Variants in EBF1 observed in about 807,000 individuals in gnomAD.
EBF1 encodes EBF transcription factor 1.
In EBF1, 10 loss-of-function variants were observed where a neutral mutation model predicts 68.4. The ratio of observed to expected loss-of-function variants is 0.15; its 90% CI spans 0.09 to 0.25. The LOEUF (loss-of-function observed/expected upper bound fraction) is 0.25. Ranked by LOEUF, EBF1 falls within the 10% of genes least tolerant of loss-of-function variation. The probability of loss-of-function intolerance (pLI) is 1.00; values close to 1 mark genes in which losing one functional copy is unlikely to be tolerated. For synonymous variants in EBF1, 298 were observed against 299.8 expected, an observed-to-expected ratio of 0.99 and a Z score of 0.06; for missense variants, 509 against 794.4, an observed-to-expected ratio of 0.64 and a Z score of 4.32.
chr5:158,964,067 G>A (rs955894492), intron 6 of EBF1, among the ~76,000 whole-genome samples: 4 of 152,140 alleles, frequency 2.6e-5, no homozygotes, highest in Non-Finnish European at 5.9e-5. Flanking sequence ...AGTTAATGCT[G>A]AATTTAATCC....
chr5:158,865,783 A>G (rs1047531177), intron 6 of EBF1, among the ~76,000 whole-genome samples: 5 of 152,198 alleles, frequency 3.3e-5, no homozygotes, highest in Non-Finnish European at 7.3e-5. Flanking sequence ...AAACCATAAA[A>G]TTGGGTACAT....
intron 6 of EBF1, among the ~76,000 whole-genome samples, chr5:158,995,391 TA>T (rs1226534174): frequency 2.0e-5 from 3 of 152,170 alleles, no homozygotes; most frequent in Admixed American, 1.3e-4. Flanking sequence ...AGATCAATGC[TA>T]GGGGGACGCT....
intron 6 of EBF1, among the ~76,000 whole-genome samples, chr5:158,950,290 A>G (rs963867244): frequency 1.3e-5 from 2 of 152,224 alleles, no homozygotes; most frequent in Non-Finnish European, 2.9e-5. Context: ...GAATGTACCC[A>G]AGAAAAGGTG....
At chr5:158,767,555 T>C (rs1772992703) in intron 10 of EBF1, among the ~76,000 whole-genome samples, 1 of 151,836 alleles carries the variant, frequency 6.6e-6, no homozygotes, top group South Asian at 2.1e-4. Context: ...TTCACCTGAG[T>C]TTTTTGGTGT....
At chr5:158,730,997 A>T in intron 11 of EBF1, 72 bp downstream of exon 11, 2 of 1,414,116 alleles carry the variant, frequency 1.4e-6, no homozygotes, top group Non-Finnish European at 2.0e-6. Flanking sequence ...ACTAATTTTT[A>T]TCAGCAGCAG....
intron 6 of EBF1, among the ~76,000 whole-genome samples, chr5:159,032,550 T>G (rs890180941): frequency 2.6e-5 from 4 of 152,234 alleles, no homozygotes; most frequent in Admixed American, 6.5e-5. Context: ...TTTCTATACA[T>G]TGTTATTCTT....
Position 158,886,986 on chromosome 5 carries a change from G to C in EBF1, c.555-46876C>G, listed in dbSNP as rs60010808. On this transcript the variant is annotated intron_variant, in intron 6 of 15. Transcript: ENST00000313708. ...CATTGCACTCCAGCCTGGGCAACAA[G>C]AGAGAAACTCCATCTCAAAAAAAAA... Among the ~76,000 whole-genome samples, 738 of 152,246 alleles carry C rather than the reference G, an allele frequency of 4.8e-3. 9 individuals are homozygous for C. Among genetic ancestry groups the C allele is most frequent in the African/African-American group, 0.017 (708 of 41,556 alleles).
At chr5:158,735,674 A>G (rs1278554795) in intron 10 of EBF1, among the ~76,000 whole-genome samples, 1 of 152,156 alleles carries the variant, frequency 6.6e-6, no homozygotes, top group African/African-American at 2.4e-5. Context: ...CTGTATCAAC[A>G]TTACTACTTT....
At chr5:158,707,880 G>A (rs1044597649) in intron 15 of EBF1, 99 bp downstream of exon 15, 2 of 1,363,168 alleles carry the variant, frequency 1.5e-6, no homozygotes, top group African/African-American at 1.4e-5. Context: ...CAGGGCCCAA[G>A]GCTGATACCC....
At chr5:159,043,401 T>C (rs1051879151) in intron 6 of EBF1, among the ~76,000 whole-genome samples, 3 of 152,208 alleles carry the variant, frequency 2.0e-5, no homozygotes, top group Admixed American at 1.3e-4. Context: ...CCTAAAACAA[T>C]TGTAATTTTA....
At chr5:158,910,260 G>A (rs530011858) in intron 6 of EBF1, among the ~76,000 whole-genome samples, 14 of 152,124 alleles carry the variant, frequency 9.2e-5, no homozygotes, top group Non-Finnish European at 1.6e-4. Context: ...ACCAAGCTGT[G>A]GTTCTTCCAA....
At chr5:158,721,437 A>G (rs903958475) in intron 11 of EBF1, among the ~76,000 whole-genome samples, 35 of 152,232 alleles carry the variant, frequency 2.3e-4, no homozygotes, top group African/African-American at 7.7e-4. Flanking sequence ...AAAAAAATCA[A>G]TGAAAGTGAA....
chr5:158,932,098 T>G lies in EBF1; in HGVS notation c.555-91988A>C, dbSNP rs193157108. Among the ~76,000 whole-genome samples the G allele has an allele frequency of 6.7e-3, 1,015 of 152,332 alleles. 12 individuals carry two copies. Among genetic ancestry groups the G allele is most frequent in the African/African-American group, 0.022 (935 of 41,568 alleles). On this transcript the variant is annotated intron_variant, in intron 6 of 15. Transcript: ENST00000313708. The stretch of plus-strand genomic sequence containing the variant: ...GGAGCACACATTGGCACAGCCTCTC[T>G]GGGAAGCACTTTGGTATTGCATCAA...
intron 7 of EBF1, among the ~76,000 whole-genome samples, chr5:158,830,125 G>A (rs948011366): frequency 2.6e-5 from 4 of 152,138 alleles, no homozygotes; most frequent in Admixed American, 1.3e-4. Context: ...GTCCAGATTT[G>A]TCCAACACCT....
At chr5:158,852,508 C>A (rs193131915) in intron 6 of EBF1, among the ~76,000 whole-genome samples, 93 of 152,252 alleles carry the variant, frequency 6.1e-4, no homozygotes, top group South Asian at 2.3e-3. Flanking sequence ...ACAAGTGACT[C>A]CTTAATTTGG....
At chr5:158,825,876 T>A (rs1785995658) in intron 7 of EBF1, among the ~76,000 whole-genome samples, 1 of 151,950 alleles carries the variant, frequency 6.6e-6, no homozygotes, top group African/African-American at 2.4e-5. Flanking sequence ...TCAGGATATA[T>A]TTAAATAAAA....
chr5:159,020,392 C>A (rs1407399793), intron 6 of EBF1, among the ~76,000 whole-genome samples: 1 of 152,232 alleles, frequency 6.6e-6, no homozygotes, highest in Admixed American at 6.5e-5. Flanking sequence ...TAACACAGGA[C>A]TTGGCAGAAA....
chr5:158,872,996 ATTT>A (rs539493620), intron 6 of EBF1, among the ~76,000 whole-genome samples: 10,209 of 80,366 alleles, frequency 0.13, 410 homozygotes, highest in South Asian at 0.16. Context: ...AATGACACTA[ATTT>A]TTTTTTTTTT....
At chr5:158,702,956 G>C (rs1281828670) in intron 15 of EBF1, among the ~76,000 whole-genome samples, 1 of 152,068 alleles carries the variant, frequency 6.6e-6, no homozygotes, top group African/African-American at 2.4e-5. Context: ...TCAGTATATG[G>C]ATACTACTTT....
Sources: allele counts gnomAD v4.1 joint callset (sites outside exome capture counted in the v4.1 genomes callset), GRCh38; gene constraint gnomAD v4.1.1; transcripts MANE v1.5; gene names NCBI Gene and HGNC (gene_info 2026-07-23, HGNC 2026-07-21).